Variants in HIVEP1 observed in about 807,000 individuals in gnomAD.
HIVEP1 encodes zinc finger protein 40.
A neutral mutation model predicts 180.0 loss-of-function variants in HIVEP1; 36 were observed. The observed-to-expected ratio is 0.20, with a 90% confidence interval of 0.15 to 0.26. The LOEUF (loss-of-function observed/expected upper bound fraction) is 0.26. Among genes scored for constraint, HIVEP1 ranks in the 10% least tolerant of loss-of-function variants. The pLI is 1.00. For synonymous variants in HIVEP1, 1,239 were observed against 1,239.0 expected (o/e 1.00, Z 0.00); for missense variants, 3,143 against 3,268.7 (o/e 0.96, Z 0.94).
chr6:12,039,571 C>T (rs1233278392), intron 2 of HIVEP1, among the ~76,000 whole-genome samples: 1 of 152,078 alleles, frequency 6.6e-6, no homozygotes, highest in Non-Finnish European at 1.5e-5. Flanking sequence ...CTATTGACGC[C>T]AAGTTGGTTA....
At chr6:12,068,332 C>T (rs971826166) in intron 2 of HIVEP1, among the ~76,000 whole-genome samples, 8 of 152,106 alleles carry the variant, frequency 5.3e-5, no homozygotes, top group African/African-American at 1.4e-4. Flanking sequence ...TCAGGTGATC[C>T]GCCCACCTTG....
intron 3 of HIVEP1, among the ~76,000 whole-genome samples, chr6:12,097,041 G>C (rs1043220216): frequency 6.6e-6 from 1 of 151,996 alleles, no homozygotes; most frequent in Non-Finnish European, 1.5e-5. Context: ...TAGTATTTTT[G>C]TGAGATGTCT....
chr6:12,141,462 A>G (rs1395208904), intron 7 of HIVEP1, among the ~76,000 whole-genome samples: 1 of 151,978 alleles, frequency 6.6e-6, no homozygotes. Flanking sequence ...AACTGCATCA[A>G]CTAACGGGCA....
At chr6:12,162,043 A>G (rs1313009974) in intron 8 of HIVEP1, 114 bp downstream of exon 8, 3 of 931,732 alleles carry the variant, frequency 3.2e-6, no homozygotes, top group Non-Finnish European at 4.8e-6. Context: ...AGGCCAAATC[A>G]GTTTGTATAG....
chr6:12,203,670 A>T, the HIVEP1 span, among the ~76,000 whole-genome samples: 1 of 152,258 alleles, frequency 6.6e-6, no homozygotes, highest in Non-Finnish European at 1.5e-5. Flanking sequence ...TGAGAAAATG[A>T]ATTGCCATTA....
chr6:12,117,719 G>A (rs571885240), intron 3 of HIVEP1, among the ~76,000 whole-genome samples: 4 of 152,320 alleles, frequency 2.6e-5, no homozygotes, highest in East Asian at 1.9e-4. Context: ...ATAGGTCCTG[G>A]ATGGGGCCTG....
chr6:12,098,002 A>G (rs1471987413), intron 3 of HIVEP1, among the ~76,000 whole-genome samples: 3 of 152,250 alleles, frequency 2.0e-5, no homozygotes, highest in Middle Eastern at 3.4e-3. Flanking sequence ...AGGATGATTC[A>G]TAGAAAGACT....
chr6:12,068,071 C>T (rs1320846473), intron 2 of HIVEP1, among the ~76,000 whole-genome samples: 1 of 152,090 alleles, frequency 6.6e-6, no homozygotes, highest in African/African-American at 2.4e-5. Flanking sequence ...AAAGAGCAGA[C>T]TTCTTAACTG....
At chr6:12,074,619 A>AGTGT (rs113951055) in intron 2 of HIVEP1, among the ~76,000 whole-genome samples, 40,018 of 138,636 alleles carry the variant, frequency 0.29, 5,495 homozygotes, top group East Asian at 0.48. Flanking sequence ...TGTATGAAAA[A>AGTGT]GTGTGTGTGT....
chr6:12,050,822 T>G (rs1770462594), intron 2 of HIVEP1, among the ~76,000 whole-genome samples: 2 of 151,308 alleles, frequency 1.3e-5, no homozygotes, highest in African/African-American at 4.9e-5. Context: ...GCTCCTACTT[T>G]TGGGGGGTCT....
the HIVEP1 span, among the ~76,000 whole-genome samples, chr6:12,209,561 T>C: frequency 6.6e-6 from 1 of 152,232 alleles, no homozygotes; most frequent in African/African-American, 2.4e-5. Flanking sequence ...TTTGTCTGTT[T>C]TATTCACTGA....
chr6:12,101,961 A>G (rs1275932640), intron 3 of HIVEP1, among the ~76,000 whole-genome samples: 2 of 137,430 alleles, frequency 1.5e-5, no homozygotes, highest in East Asian at 4.4e-4. Context: ...CTATGTTAAT[A>G]TCAAAAGGGA....
In HIVEP1 at chr6:12,065,836, A is replaced by G. The variant is rs370822439; in HGVS notation, c.41-23348A>G. On this transcript the variant is annotated intron_variant, in intron 2 of 8. Transcript: ENST00000379388. ...GATGCAGTTAGCTTCTGCAAATGGC[A>G]GAGCTGATAAACGATTAGAAAGCTA... Among the ~76,000 whole-genome samples, 46 of 152,308 alleles carry G rather than the reference A, an allele frequency of 3.0e-4. No homozygotes were observed. The East Asian group carries it at 3.5e-3, about 11-fold the overall frequency.
At chr6:12,094,113 T>G (rs750441845) in intron 3 of HIVEP1, among the ~76,000 whole-genome samples, 8 of 152,014 alleles carry the variant, frequency 5.3e-5, no homozygotes, top group Non-Finnish European at 8.8e-5. Flanking sequence ...ATTTGGTGTT[T>G]TCCTCATTTT....
intron 7 of HIVEP1, among the ~76,000 whole-genome samples, chr6:12,137,225 A>T (rs547454339): frequency 6.6e-6 from 1 of 152,342 alleles, no homozygotes; most frequent in East Asian, 1.9e-4. Context: ...GAAAAGGGAC[A>T]AGGTAAAGCT....
chr6:12,203,137 C>T, the HIVEP1 span, among the ~76,000 whole-genome samples: 1 of 152,188 alleles, frequency 6.6e-6, no homozygotes, highest in African/African-American at 2.4e-5. Context: ...CTCCATCTTG[C>T]CCTGGATTTG....
In HIVEP1 at chr6:12,130,857, T is replaced by A. The variant is rs931957332; in HGVS notation, c.6300T>A (p.Pro2100=). The A allele has an allele frequency of 3.7e-6, 6 of 1,612,748 alleles. No homozygotes were observed. The highest frequency in any genetic ancestry group is 5.1e-6 in the Non-Finnish European group (6 of 1,178,796). ...CEECGIRCKK[P]SMLKKHIRTH... ...AATGTGGAATACGTTGTAAGAAACC[T>A]AGCATGTTAAAGAAACACATACGAA... The change falls in exon 6 of 9, where the codon CCT becomes CCA. Residue 2100 remains proline, a synonymous_variant. Transcript: ENST00000379388.
At chr6:12,175,024 T>G in the HIVEP1 span, among the ~76,000 whole-genome samples, 1 of 152,342 alleles carries the variant, frequency 6.6e-6, no homozygotes, top group African/African-American at 2.4e-5. Flanking sequence ...TTTATTTCAA[T>G]GACCATAGAT....
chr6:12,144,444 C>CA (rs1370522061), intron 7 of HIVEP1, among the ~76,000 whole-genome samples: 1 of 152,144 alleles, frequency 6.6e-6, no homozygotes, highest in East Asian at 1.9e-4. Context: ...AAAACCTAGG[C>CA]AATACCATTC....
Sources: allele counts gnomAD v4.1 joint callset (sites outside exome capture counted in the v4.1 genomes callset), GRCh38; gene constraint gnomAD v4.1.1; transcripts MANE v1.5; gene names NCBI Gene and HGNC (gene_info 2026-07-23, HGNC 2026-07-21).